Variants in PTPRT observed in about 807,000 individuals in gnomAD.
The protein encoded by PTPRT is protein tyrosine phosphatase receptor type T.
PTPRT carries 56 observed loss-of-function variants against 176.8 expected under a neutral mutation model. The observed-to-expected ratio is 0.32, with a 90% CI of 0.26 to 0.40. PTPRT has a LOEUF of 0.40. Among genes scored for constraint, PTPRT ranks in the 10% least tolerant of loss-of-function variants. PTPRT has a pLI of 1.00. For missense variants in PTPRT, 1,540 were observed against 1,908.2 expected, an observed-to-expected ratio of 0.81 and a Z score of 3.60; for synonymous variants, 783 against 739.0, an observed-to-expected ratio of 1.06 and a Z score of -0.96.
At chr20:42,904,042 T>C (rs1466586856) in intron 1 of PTPRT, among the ~76,000 whole-genome samples, 1 of 151,950 alleles carries the variant, frequency 6.6e-6, no homozygotes, top group East Asian at 1.9e-4. Flanking sequence ...GTCACTAAGG[T>C]TCCTAAGCAA....
intron 7 of PTPRT, among the ~76,000 whole-genome samples, chr20:42,673,909 C>T (rs922630851): frequency 4.6e-5 from 7 of 152,160 alleles, no homozygotes; most frequent in African/African-American, 1.4e-4. Context: ...ATGAAGCATG[C>T]TATTTCAATG....
chr20:42,408,186 A>G (rs1407446893), intron 9 of PTPRT, among the ~76,000 whole-genome samples: 1 of 152,180 alleles, frequency 6.6e-6, no homozygotes, highest in East Asian at 1.9e-4. Flanking sequence ...TATATGTCTA[A>G]GAAAACCAAG....
At chr20:42,276,880 G>A (rs1298747130) in intron 13 of PTPRT, among the ~76,000 whole-genome samples, 1 of 151,982 alleles carries the variant, frequency 6.6e-6, no homozygotes, top group Non-Finnish European at 1.5e-5. Flanking sequence ...CTGGGCCCCA[G>A]TCTTAGCATC....
intron 15 of PTPRT, among the ~76,000 whole-genome samples, chr20:42,204,048 T>C (rs2055389126): frequency 1.3e-5 from 2 of 152,198 alleles, no homozygotes; most frequent in Admixed American, 6.5e-5. Flanking sequence ...ATTTGGAGTC[T>C]AGAAAAGATA....
chr20:42,421,274 A>G (rs1425575870), intron 9 of PTPRT, among the ~76,000 whole-genome samples: 3 of 69,222 alleles, frequency 4.3e-5, no homozygotes, highest in Admixed American at 1.9e-4. Flanking sequence ...GCACACACAC[A>G]CACGCATGCA....
chr20:43,132,625 A>C (rs1006096706), intron 1 of PTPRT, among the ~76,000 whole-genome samples: 4 of 152,230 alleles, frequency 2.6e-5, no homozygotes, highest in African/African-American at 4.8e-5. Flanking sequence ...AAAATCTAAA[A>C]ATATGATTAT....
chr20:42,384,125 T>C (rs1335140789), intron 9 of PTPRT, among the ~76,000 whole-genome samples: 2 of 152,220 alleles, frequency 1.3e-5, no homozygotes, highest in Non-Finnish European at 2.9e-5. Flanking sequence ...TCACGTTAAA[T>C]GTGGACTCAT....
At chr20:43,100,149 G>A (rs1399671723) in intron 1 of PTPRT, among the ~76,000 whole-genome samples, 2 of 152,182 alleles carry the variant, frequency 1.3e-5, no homozygotes, top group East Asian at 1.9e-4. Context: ...GCTGAGGCAG[G>A]TGGATGACTT....
At chr20:42,129,923 T>C (rs1988047924) in intron 18 of PTPRT, among the ~76,000 whole-genome samples, 1 of 152,188 alleles carries the variant, frequency 6.6e-6, no homozygotes, top group African/African-American at 2.4e-5. Context: ...TACTCAGTAG[T>C]ACATGGAAAA....
intron 1 of PTPRT, among the ~76,000 whole-genome samples, chr20:42,919,636 C>G (rs1979014423): frequency 6.6e-6 from 1 of 152,182 alleles, no homozygotes; most frequent in Non-Finnish European, 1.5e-5. Context: ...AATATTATCT[C>G]ATTGTATCCC....
chr20:42,436,571 T>C (rs1568877234), intron 9 of PTPRT, among the ~76,000 whole-genome samples: 1 of 152,232 alleles, frequency 6.6e-6, no homozygotes, highest in Non-Finnish European at 1.5e-5. Context: ...TAGGCACTCA[T>C]AATTTGCTGG....
chr20:42,179,747 C>T (rs1287959278), intron 16 of PTPRT, among the ~76,000 whole-genome samples: 1 of 152,174 alleles, frequency 6.6e-6, no homozygotes, highest in Non-Finnish European at 1.5e-5. Flanking sequence ...CAGTATTACA[C>T]TGGGCTCTTT....
intron 1 of PTPRT, among the ~76,000 whole-genome samples, chr20:43,149,398 A>G (rs1245734447): frequency 6.6e-6 from 1 of 152,240 alleles, no homozygotes; most frequent in Non-Finnish European, 1.5e-5. Flanking sequence ...ACCAAATACT[A>G]TGATTCTCAA....
At chr20:43,108,335 C>T (rs151104509) in intron 1 of PTPRT, among the ~76,000 whole-genome samples, 4 of 152,254 alleles carry the variant, frequency 2.6e-5, no homozygotes, top group African/African-American at 7.2e-5. Flanking sequence ...GTTCCAGCTG[C>T]GTGCCAAGCT....
chr20:42,236,336 A>G, intron 14 of PTPRT, 78 bp from the exon 15 acceptor site: 1 of 1,217,958 alleles, frequency 8.2e-7, no homozygotes, highest in South Asian at 1.3e-5. Context: ...CAAGAATTAG[A>G]TTTTTAATGA....
At chr20:42,347,013 G>A (rs943793420) in intron 11 of PTPRT, among the ~76,000 whole-genome samples, 1 of 152,122 alleles carries the variant, frequency 6.6e-6, no homozygotes, top group African/African-American at 2.4e-5. Context: ...ACCAGGCAGA[G>A]GAACTCAGAA....
chr20:42,409,171 A>G (rs6093639), intron 9 of PTPRT, among the ~76,000 whole-genome samples: 1,920 of 152,222 alleles, frequency 0.013, 41 homozygotes, highest in African/African-American at 0.044. Context: ...ACAAAATCCA[A>G]AATAATGTCA....
intron 1 of PTPRT, among the ~76,000 whole-genome samples, chr20:42,936,581 G>A (rs1466858159): frequency 6.6e-6 from 1 of 152,176 alleles, no homozygotes; most frequent in Non-Finnish European, 1.5e-5. Flanking sequence ...TCTTGACTAT[G>A]GGGTGGAAGA....
intron 1 of PTPRT, among the ~76,000 whole-genome samples, chr20:43,051,390 C>T (rs1349600525): frequency 6.6e-6 from 1 of 152,174 alleles, no homozygotes; most frequent in African/African-American, 2.4e-5. Flanking sequence ...TTTCCCTTCC[C>T]TTAGTTCTAG....
Sources: allele counts gnomAD v4.1 joint callset (sites outside exome capture counted in the v4.1 genomes callset), GRCh38; gene constraint gnomAD v4.1.1; transcripts MANE v1.5; gene names NCBI Gene and HGNC (gene_info 2026-07-23, HGNC 2026-07-21).